The following CACNA1C variants were observed in gnomAD, a reference collection of about 807,000 sequenced individuals.
The protein encoded by CACNA1C is voltage-dependent L-type calcium channel subunit alpha-1C.
A neutral mutation model predicts 229.0 loss-of-function variants in CACNA1C; 30 were observed. That is an observed-to-expected ratio of 0.13 (90% CI 0.10 to 0.18). The LOEUF is 0.18. Ranked by LOEUF, CACNA1C falls within the 10% of genes least tolerant of loss-of-function variation. The probability of loss-of-function intolerance (pLI) is 1.00; values close to 1 mark genes in which losing one functional copy is unlikely to be tolerated. For missense variants in CACNA1C, 1,658 were observed against 2,845.0 expected, an observed-to-expected ratio of 0.58 and a Z score of 9.49; for synonymous variants, 1,114 against 1,132.5, an observed-to-expected ratio of 0.98 and a Z score of 0.33.
intron 10 of CACNA1C, 133 bp downstream of exon 10, chr12:2,550,166 C>A (rs1253921675): frequency 1.4e-6 from 1 of 723,696 alleles, no homozygotes. Flanking sequence ...AAGAAACAAA[C>A]CTCAGGTGGG....
At chr12:2,331,608 G>A (rs1402193843) in intron 3 of CACNA1C, among the ~76,000 whole-genome samples, 1 of 152,228 alleles carries the variant, frequency 6.6e-6, no homozygotes, top group East Asian at 1.9e-4. Flanking sequence ...CCGACATACG[G>A]AAGTTAGTGA....
At chr12:2,207,773 A>G (rs2097792218) in intron 3 of CACNA1C, among the ~76,000 whole-genome samples, 1 of 152,156 alleles carries the variant, frequency 6.6e-6, no homozygotes, top group Non-Finnish European at 1.5e-5. Context: ...GAGAGTTGAG[A>G]TCGTGCCACT....
At chr12:2,312,531 C>A (rs187908799) in intron 3 of CACNA1C, among the ~76,000 whole-genome samples, 1 of 152,186 alleles carries the variant, frequency 6.6e-6, no homozygotes, top group Non-Finnish European at 1.5e-5. Context: ...CTCTTTGTGT[C>A]CCGCCAGAAC....
At chr12:2,176,814 G>A (rs1386141895) in intron 3 of CACNA1C, among the ~76,000 whole-genome samples, 1 of 152,190 alleles carries the variant, frequency 6.6e-6, no homozygotes, top group Non-Finnish European at 1.5e-5. Flanking sequence ...GATACACGAG[G>A]ACAATGCTAT....
chr12:2,461,846 C>T (rs369168677), intron 5 of CACNA1C, among the ~76,000 whole-genome samples: 7 of 152,206 alleles, frequency 4.6e-5, no homozygotes, highest in East Asian at 1.9e-4. Context: ...TGGCCGCCCT[C>T]GCCTCCGTCC....
chr12:2,303,833 G>A (rs1046780328), intron 3 of CACNA1C, among the ~76,000 whole-genome samples: 8 of 152,192 alleles, frequency 5.3e-5, no homozygotes, highest in African/African-American at 1.9e-4. Context: ...GCCCCCTGTG[G>A]ACGGGCCTGG....
chr12:2,107,995 A>G (rs1044967849), intron 1 of CACNA1C, among the ~76,000 whole-genome samples: 1 of 152,230 alleles, frequency 6.6e-6, no homozygotes, highest in African/African-American at 2.4e-5. Context: ...AGTAAAATGC[A>G]AAATGCATTT....
At chr12:2,687,367 G>A (rs1000864394) in intron 45 of CACNA1C, among the ~76,000 whole-genome samples, 1 of 152,156 alleles carries the variant, frequency 6.6e-6, no homozygotes, top group Non-Finnish European at 1.5e-5. Flanking sequence ...TGACCCTAGA[G>A]GTGGTCTTTC....
intron 1 of CACNA1C, among the ~76,000 whole-genome samples, chr12:2,027,545 A>G (rs1265836992): frequency 6.6e-6 from 1 of 152,220 alleles, no homozygotes; most frequent in Non-Finnish European, 1.5e-5. Context: ...ACACTGCATC[A>G]TAACAATTGT....
chr12:2,425,151 G>T (rs1277594406), intron 3 of CACNA1C, among the ~76,000 whole-genome samples: 1 of 152,246 alleles, frequency 6.6e-6, no homozygotes, highest in African/African-American at 2.4e-5. Context: ...CAAAAGCAGA[G>T]AATTGGGTAA....
chr12:2,588,489 AC>A (rs1210147736), intron 18 of CACNA1C, among the ~76,000 whole-genome samples: 2 of 152,154 alleles, frequency 1.3e-5, no homozygotes, highest in Admixed American at 6.5e-5. Flanking sequence ...TCCAGATTGC[AC>A]CCAAAGTGAT....
chr12:2,363,308 G>A (rs576110203), intron 3 of CACNA1C, among the ~76,000 whole-genome samples: 50 of 152,220 alleles, frequency 3.3e-4, no homozygotes, highest in African/African-American at 1.1e-3. Flanking sequence ...ATACTGAGGA[G>A]GATCTTGGAA....
intron 3 of CACNA1C, among the ~76,000 whole-genome samples, chr12:2,407,673 G>A (rs922108883): frequency 1.5e-4 from 16 of 105,176 alleles, no homozygotes; most frequent in African/African-American, 2.1e-4. Context: ...GGTGGACATC[G>A]TCTCCACTGA....
intron 34 of CACNA1C, among the ~76,000 whole-genome samples, chr12:2,659,500 C>G (rs902096498): frequency 4.6e-5 from 7 of 152,194 alleles, no homozygotes; most frequent in African/African-American, 1.7e-4. Flanking sequence ...CATCTCCCCA[C>G]TGTTAAGTGA....
intron 29 of CACNA1C, among the ~76,000 whole-genome samples, chr12:2,628,837 T>C (rs948360272): frequency 2.0e-5 from 3 of 152,146 alleles, no homozygotes; most frequent in African/African-American, 7.2e-5. Flanking sequence ...GCACTCCAGC[T>C]GGGGCAACAG....
Position 2,646,591 on chromosome 12 carries a change from ACTC to A in CACNA1C, c.3913-1881_3913-1879del, listed in dbSNP as rs2094376692. The A allele has an allele frequency of 6.6e-6, 1 of 151,966 alleles. No individual in the cohort carries two copies. The highest frequency in any genetic ancestry group is 1.9e-4 in the East Asian group (1 of 5,192). 9.4% of individuals were successfully genotyped at this position (151,966 alleles called of 1,614,324 possible). A position where few individuals can be genotyped will look rare whatever the true frequency, so the allele number is the denominator to read the frequency against. ...CCCACTGAAGCCTGAGAAACACAGA[ACTC>A]CTTGTCCATGAGCAAGGGAGCTCAA... On this transcript the variant is annotated intron_variant, in intron 30 of 46. Coordinates refer to ENST00000399655, the MANE Select transcript of CACNA1C (RefSeq NM_000719.7). The surrounding 1 kb of genome is among the most constrained non-coding windows in gnomAD (Gnocchi z 4.6).
At chr12:2,393,452 T>C (rs560634094) in intron 3 of CACNA1C, among the ~76,000 whole-genome samples, 2 of 152,346 alleles carry the variant, frequency 1.3e-5, no homozygotes, top group South Asian at 4.1e-4. Context: ...TCCTTCTCAT[T>C]TTCTGGCTCT....
At chr12:2,267,111 CT>C (rs1485352617) in intron 3 of CACNA1C, among the ~76,000 whole-genome samples, 1 of 152,130 alleles carries the variant, frequency 6.6e-6, no homozygotes, top group Non-Finnish European at 1.5e-5. Context: ...AGCAGGGGTT[CT>C]ACGGGTATTG....
At position 2,690,986 on chromosome 12, in the gene CACNA1C, C is replaced by T. The variant is rs1222108753; in HGVS notation, c.6204C>T (p.Asp2068=). Residue 2068 remains aspartate, a synonymous_variant, in exon 47 of 47, where the codon GAC becomes GAT. Coordinates refer to ENST00000399655, the MANE Select transcript of CACNA1C (RefSeq NM_000719.7). ...VTTQELADAC[D]MTIEEMESAA... Reference sequence around the variant, plus strand: ...CCCAGGAGCTGGCCGACGCCTGCGACATGACCATAGAGGAGATGGAGAGCG... The same window carrying T: ...CCCAGGAGCTGGCCGACGCCTGCGATATGACCATAGAGGAGATGGAGAGCG... The T allele has an allele frequency of 1.2e-6, 2 of 1,600,688 alleles. No homozygotes were observed. Among genetic ancestry groups the T allele is most frequent in the Non-Finnish European group, 8.5e-7 (1 of 1,173,622 alleles).
Sources: gnomAD v4.1 joint callset for allele counts (sites outside exome capture counted in the v4.1 genomes callset) on GRCh38, gnomAD v4.1.1 for gene constraint, Gnocchi (gnomAD v3.1) non-coding constraint, MANE v1.5 for transcripts, NCBI Gene and HGNC (gene_info 2026-07-23, HGNC 2026-07-21) for gene names.